The following PUM2 variants were observed in gnomAD, a reference collection of about 807,000 sequenced individuals.
The protein encoded by PUM2 is pumilio RNA binding family member 2, also known as pumilio homolog 2.
PUM2 carries 57 observed loss-of-function variants against 124.5 expected under a neutral mutation model. The ratio of observed to expected loss-of-function variants is 0.46; its 90% CI spans 0.37 to 0.57. The LOEUF is 0.57. PUM2 is among the 20% of genes least tolerant of loss of function. PUM2 has a pLI of 0.00. For synonymous variants in PUM2, 460 were observed against 446.1 expected, an observed-to-expected ratio of 1.03 and a Z score of -0.39; for missense variants, 1,065 against 1,290.6, an observed-to-expected ratio of 0.83 and a Z score of 2.68.
chr2:20,331,855 T>C (rs569596567), intron 1 of PUM2: 1 of 152,302 alleles, frequency 6.6e-6, no homozygotes, highest in East Asian at 1.9e-4. Flanking sequence ...ATACCCCTAG[T>C]GTAGGAGTCA....
chr2:20,344,070 C>T (rs80177395), intron 1 of PUM2, among the ~76,000 whole-genome samples: 1,162 of 101,810 alleles, frequency 0.011, 9 homozygotes, highest in African/African-American at 0.039. Flanking sequence ...TTTTATTTTA[C>T]TTTATTTTAT....
At chr2:20,301,484 G>C (rs116368052) in intron 7 of PUM2, among the ~76,000 whole-genome samples, 1 of 152,104 alleles carries the variant, frequency 6.6e-6, no homozygotes, top group East Asian at 1.9e-4. Flanking sequence ...ACTTTTAAAC[G>C]CATATATACT....
intron 13 of PUM2, among the ~76,000 whole-genome samples, chr2:20,267,418 G>C (rs182501036): frequency 6.6e-6 from 1 of 152,282 alleles, no homozygotes; most frequent in East Asian, 1.9e-4. Context: ...ATGTGATAAA[G>C]CGGTAACATC....
At chr2:20,347,072 T>C (rs534301634) in intron 1 of PUM2, among the ~76,000 whole-genome samples, 1 of 152,310 alleles carries the variant, frequency 6.6e-6, no homozygotes, top group Non-Finnish European at 1.5e-5. Context: ...TACTCTATTC[T>C]AAAATCTTTT....
intron 1 of PUM2, among the ~76,000 whole-genome samples, chr2:20,327,625 A>T (rs1683985873): frequency 6.6e-6 from 1 of 152,242 alleles, no homozygotes; most frequent in Non-Finnish European, 1.5e-5. Flanking sequence ...AGGCAATGAA[A>T]AACAATTAAA....
At chr2:20,326,363 G>A (rs1482232584) in intron 2 of PUM2, 2 of 1,304,128 alleles carry the variant, frequency 1.5e-6, no homozygotes, top group African/African-American at 1.5e-5. Context: ...GCCCAAAGGA[G>A]AGACTTGGAC....
At chr2:20,304,127 T>C (rs1482624744) in intron 7 of PUM2, among the ~76,000 whole-genome samples, 1 of 152,194 alleles carries the variant, frequency 6.6e-6, no homozygotes, top group African/African-American at 2.4e-5. Flanking sequence ...GGTCTTTTAT[T>C]AGTAGCTGGG....
chr2:20,276,200 C>T (rs1452287814), intron 13 of PUM2, among the ~76,000 whole-genome samples: 2 of 151,652 alleles, frequency 1.3e-5, no homozygotes, highest in Non-Finnish European at 2.9e-5. Flanking sequence ...AAAGTGATTA[C>T]TAGTCATCCT....
chr2:20,283,590 G>C, intron 10 of PUM2, 104 bp from the exon 11 acceptor site: 1 of 1,137,392 alleles, frequency 8.8e-7, no homozygotes, highest in South Asian at 1.6e-5. Context: ...ACAGCTATTT[G>C]TACCATTACT....
At chr2:20,272,302 T>C (rs879203352) in intron 13 of PUM2, among the ~76,000 whole-genome samples, 6 of 152,152 alleles carry the variant, frequency 3.9e-5, no homozygotes, top group Admixed American at 3.9e-4. Context: ...ACTTCATGAA[T>C]ATAAGTCACG....
intron 7 of PUM2, among the ~76,000 whole-genome samples, chr2:20,305,620 G>A (rs1349366634): frequency 6.6e-6 from 1 of 151,864 alleles, no homozygotes; most frequent in Non-Finnish European, 1.5e-5. Context: ...CTAGCAAATT[G>A]AAAGAGTATG....
At chr2:20,315,836 CAAAAAAAAA>C (rs60828412) in intron 3 of PUM2, among the ~76,000 whole-genome samples, 1 of 72,352 alleles carries the variant, frequency 1.4e-5, no homozygotes, top group Admixed American at 1.6e-4. Flanking sequence ...AACCTGGTCT[CAAAAAAAAA>C]AAAAAAAAAA....
chr2:20,294,923 T>C (rs1247933871), intron 8 of PUM2, among the ~76,000 whole-genome samples: 1 of 152,212 alleles, frequency 6.6e-6, no homozygotes, highest in East Asian at 1.9e-4. Flanking sequence ...TTTTAAAATA[T>C]TTTACTTTCC....
At chr2:20,347,659 G>C (rs1026715958) in intron 1 of PUM2, among the ~76,000 whole-genome samples, 1 of 152,124 alleles carries the variant, frequency 6.6e-6, no homozygotes, top group Non-Finnish European at 1.5e-5. Flanking sequence ...ACAGAATTCC[G>C]AACTGACTGA....
chr2:20,262,779 T>C (rs1003741859), intron 14 of PUM2, among the ~76,000 whole-genome samples: 3 of 152,244 alleles, frequency 2.0e-5, no homozygotes, highest in South Asian at 2.1e-4. Flanking sequence ...AATTTTCCTA[T>C]AACAAATGTG....
At chr2:20,344,397 C>T (rs1180893498) in intron 1 of PUM2, among the ~76,000 whole-genome samples, 2 of 152,234 alleles carry the variant, frequency 1.3e-5, no homozygotes, top group African/African-American at 4.8e-5. Context: ...AAATACCTAA[C>T]TCCTAATATA....
rs533691659 is a variant in PUM2, at chr2:20,291,455, G to A, written c.1153-665C>T. Among the ~76,000 whole-genome samples, 24 of 152,308 alleles carry A rather than the reference G, an allele frequency of 1.6e-4. 1 individual carries two copies. The South Asian group carries it at 4.1e-3, about 26-fold the overall frequency. On this transcript the variant is annotated intron_variant, in intron 9 of 20. Transcript: ENST00000361078. ...CTCTATTCTGGTACTTTATCCGACC[G>A]ACTGCATATTCCTCTGTTCCTTGGC... is the stretch of plus-strand genomic sequence containing the variant.
intron 6 of PUM2, 84 bp downstream of exon 6, chr2:20,308,230 C>G: frequency 6.6e-7 from 1 of 1,510,326 alleles, no homozygotes; most frequent in Non-Finnish European, 9.0e-7. Context: ...AAACCCCTAC[C>G]ATTCTTTTCA....
chr2:20,318,661 AT>A lies in PUM2; in HGVS notation c.52-17del. The A allele has an allele frequency of 6.5e-7, 1 of 1,550,114 alleles. No individual in the cohort carries two copies. Among genetic ancestry groups the A allele is most frequent in the Non-Finnish European group, 8.9e-7 (1 of 1,124,302 alleles). ...TAGGCAAAAGCTATTTGGAGGAAAAATTACAGTTAAATTTTATTCTAATTAC... is the reference window on the plus strand; with the variant it reads ...TAGGCAAAAGCTATTTGGAGGAAAAATACAGTTAAATTTTATTCTAATTAC... On this transcript the variant is annotated splice_polypyrimidine_tract_variant and intron_variant, in intron 2 of 20. Coordinates refer to ENST00000361078, the MANE Select transcript of PUM2 (RefSeq NM_015317.5).
Sources: gnomAD v4.1 joint callset for allele counts (sites outside exome capture counted in the v4.1 genomes callset) on GRCh38, gnomAD v4.1.1 for gene constraint, MANE v1.5 for transcripts, NCBI Gene and HGNC (gene_info 2026-07-23, HGNC 2026-07-21) for gene names.